The following MNAT1 variants were observed in gnomAD, a reference collection of about 807,000 sequenced individuals.
The protein encoded by MNAT1 is MNAT1 component of CDK activating kinase.
In MNAT1, 43 loss-of-function variants were observed where a neutral mutation model predicts 42.0. The ratio of observed to expected loss-of-function variants is 1.02; its 90% CI spans 0.80 to 1.32. The LOEUF is 1.32. MNAT1 is among the 40% of genes most tolerant of loss of function. The pLI, the probability that MNAT1 is intolerant of heterozygous loss-of-function variation, is 0.00. For synonymous variants in MNAT1, 118 were observed against 120.0 expected (o/e 0.98, Z 0.11); for missense variants, 306 against 350.4 (o/e 0.87, Z 1.01).
chr14:60,821,478 A>G (rs893699243), intron 6 of MNAT1, among the ~76,000 whole-genome samples: 2 of 152,198 alleles, frequency 1.3e-5, no homozygotes, highest in Non-Finnish European at 2.9e-5. Context: ...TGAATCTTAC[A>G]TATTAGGCTC....
intron 7 of MNAT1, among the ~76,000 whole-genome samples, chr14:60,914,167 G>C (rs1346483843): frequency 1.3e-5 from 2 of 152,326 alleles, no homozygotes; most frequent in East Asian, 3.9e-4. Flanking sequence ...TGTTAAGCCT[G>C]TTGGAAGAGC....
chr14:60,809,546 C>T (rs1486551844), intron 4 of MNAT1, among the ~76,000 whole-genome samples: 1 of 152,120 alleles, frequency 6.6e-6, no homozygotes, highest in African/African-American at 2.4e-5. Flanking sequence ...GTTGGTATTA[C>T]AGATGTGAGC....
intron 7 of MNAT1, among the ~76,000 whole-genome samples, chr14:60,904,116 C>A (rs1320033288): frequency 6.6e-6 from 1 of 152,118 alleles, no homozygotes; most frequent in Non-Finnish European, 1.5e-5. Context: ...TGTGATCCAC[C>A]CGCCTTGGCC....
At chr14:60,847,928 T>C (rs1051899582) in intron 6 of MNAT1, among the ~76,000 whole-genome samples, 1 of 148,178 alleles carries the variant, frequency 6.7e-6, no homozygotes, top group South Asian at 2.1e-4. Context: ...GTTTTACAGG[T>C]TTTTTTTTGT....
Position 60,833,242 on chromosome 14 carries a change from C to G in MNAT1, c.687+14395C>G, listed in dbSNP as rs532172983. On this transcript the variant is annotated intron_variant, in intron 6 of 7. Transcript: ENST00000261245. Reference sequence around the variant, plus strand: ...GAATAGGAGTGGTGAGAGAGGGCATCCTTGTCTTATGCCAGTTTTCAAAGG... The same window carrying G: ...GAATAGGAGTGGTGAGAGAGGGCATGCTTGTCTTATGCCAGTTTTCAAAGG... 2.0e-5 allele frequency among the ~76,000 whole-genome samples: 3 copies of G among 152,250 alleles called. No individual in the cohort carries two copies. The South Asian group carries it at 6.2e-4, about 32-fold the overall frequency.
intron 6 of MNAT1, among the ~76,000 whole-genome samples, chr14:60,858,672 T>A (rs2034021840): frequency 6.6e-6 from 1 of 152,198 alleles, no homozygotes; most frequent in African/African-American, 2.4e-5. Context: ...ACTTCATTGT[T>A]GTGCCATTTT....
chr14:60,937,187 T>G (rs1395812131), intron 7 of MNAT1, among the ~76,000 whole-genome samples: 1 of 152,174 alleles, frequency 6.6e-6, no homozygotes, highest in Admixed American at 6.5e-5. Flanking sequence ...GCCTGTTCAC[T>G]CTGATGGTAG....
intron 7 of MNAT1, among the ~76,000 whole-genome samples, chr14:60,939,379 A>G (rs948077841): frequency 6.6e-6 from 1 of 151,868 alleles, no homozygotes; most frequent in Non-Finnish European, 1.5e-5. Context: ...AGTCCTATAA[A>G]GTTCCCTCTA....
chr14:60,949,707 A>G (rs1033039914), intron 7 of MNAT1, among the ~76,000 whole-genome samples: 2 of 152,148 alleles, frequency 1.3e-5, no homozygotes, highest in Admixed American at 1.3e-4. Context: ...TAATCTATTA[A>G]AGCATTCTAT....
At chr14:60,911,790 A>C (rs1357467428) in intron 7 of MNAT1, among the ~76,000 whole-genome samples, 1 of 152,060 alleles carries the variant, frequency 6.6e-6, no homozygotes, top group Non-Finnish European at 1.5e-5. Flanking sequence ...AAAAGAATGT[A>C]TATTCTGGTG....
intron 7 of MNAT1, among the ~76,000 whole-genome samples, chr14:60,967,729 A>T (rs1273485745): frequency 6.6e-6 from 1 of 152,230 alleles, no homozygotes; most frequent in Non-Finnish European, 1.5e-5. Flanking sequence ...GAGACAATAT[A>T]TTCTTGGAAT....
chr14:60,870,747 A>G (rs1676299446), intron 6 of MNAT1, among the ~76,000 whole-genome samples: 2 of 152,238 alleles, frequency 1.3e-5, no homozygotes, highest in Admixed American at 1.3e-4. Flanking sequence ...TTATCAAGAT[A>G]TAATTTACTT....
At chr14:60,964,265 C>A (rs2036645957) in intron 7 of MNAT1, among the ~76,000 whole-genome samples, 2 of 152,232 alleles carry the variant, frequency 1.3e-5, no homozygotes, top group Admixed American at 1.3e-4. Context: ...TATCTTACGC[C>A]CTTCTCAGGA....
chr14:60,926,254 T>A (rs548981592), intron 7 of MNAT1, among the ~76,000 whole-genome samples: 1 of 152,144 alleles, frequency 6.6e-6, no homozygotes, highest in African/African-American at 2.4e-5. Context: ...TGTGGGGTTT[T>A]CCCCCCACAC....
chr14:60,912,981 G>T (rs1280159304), intron 7 of MNAT1, among the ~76,000 whole-genome samples: 1 of 152,068 alleles, frequency 6.6e-6, no homozygotes, highest in Non-Finnish European at 1.5e-5. Flanking sequence ...TGTACATTTG[G>T]TCTTTTCACA....
chr14:60,734,798 A>G lies in MNAT1; in HGVS notation c.-65A>G. 6.7e-7 allele frequency: 1 copy of G among 1,498,808 alleles called. No homozygotes were observed. Among genetic ancestry groups the G allele is most frequent in the East Asian group, 2.3e-5 (1 of 44,258 alleles). The allele number at this position is 1,498,808 out of a possible 1,614,324, so 92.8% of individuals were successfully genotyped here. ...GTAGGAACCTGCTTGGTCGCGTCTGAGGGGGCTTGTAGGTGGCTCTGGCTG... is the reference window on the plus strand; with the variant it reads ...GTAGGAACCTGCTTGGTCGCGTCTGGGGGGGCTTGTAGGTGGCTCTGGCTG... On this transcript the variant is annotated 5_prime_UTR_variant, in exon 1 of 8. Coordinates refer to ENST00000261245, the MANE Select transcript of MNAT1 (RefSeq NM_002431.4). The surrounding 1 kb of genome is among the most constrained non-coding windows in gnomAD (Gnocchi z 4.3).
chr14:60,887,352 G>T (rs8022908), intron 7 of MNAT1, among the ~76,000 whole-genome samples: 135,778 of 144,204 alleles, frequency 0.94, 64,242 homozygotes, highest in Non-Finnish European at 0.99. Flanking sequence ...ACTCGTCATT[G>T]AGCATTAGGT....
intron 7 of MNAT1, among the ~76,000 whole-genome samples, chr14:60,906,337 A>G (rs964976397): frequency 1.3e-5 from 2 of 152,168 alleles, no homozygotes; most frequent in African/African-American, 2.4e-5. Context: ...GCGAAGTCAT[A>G]GGAGAATTTT....
At chr14:60,791,332 A>ATC (rs1463331045) in intron 1 of MNAT1, among the ~76,000 whole-genome samples, 2 of 152,074 alleles carry the variant, frequency 1.3e-5, no homozygotes, top group African/African-American at 4.8e-5. Context: ...AAAGTCTACT[A>ATC]TCTCTTCATA....
Sources: gnomAD v4.1 joint callset for allele counts (sites outside exome capture counted in the v4.1 genomes callset) on GRCh38, gnomAD v4.1.1 for gene constraint, Gnocchi (gnomAD v3.1) non-coding constraint, MANE v1.5 for transcripts, NCBI Gene and HGNC (gene_info 2026-07-23, HGNC 2026-07-21) for gene names.